The following MECOM variants were observed in gnomAD, a reference collection of about 807,000 sequenced individuals.
MECOM encodes histone-lysine N-methyltransferase MECOM.
In MECOM, 13 loss-of-function variants were observed where a neutral mutation model predicts 116.3. The ratio of observed to expected loss-of-function variants is 0.11; its 90% confidence interval spans 0.07 to 0.18. The LOEUF (loss-of-function observed/expected upper bound fraction) is 0.18. Among genes scored for constraint, MECOM ranks in the 10% least tolerant of loss-of-function variants. MECOM has a pLI of 1.00. For synonymous variants in MECOM, 528 were observed against 535.2 expected (o/e 0.99, Z 0.19); for missense variants, 1,299 against 1,509.0 (o/e 0.86, Z 2.31).
rs1383807090 is a variant in MECOM at position 169,611,855 on chromosome 3, A to T, written c.37+51481T>A. Among the ~76,000 whole-genome samples the T allele has an allele frequency of 6.6e-6, 1 of 152,166 alleles. No homozygotes were observed. Among genetic ancestry groups the T allele is most frequent in the Non-Finnish European group, 1.5e-5 (1 of 68,038 alleles). On this transcript the variant is annotated intron_variant, in intron 1 of 16. Transcript: ENST00000651503. This position sits in a 1 kb window ranked among gnomAD's most constrained non-coding sequence, Gnocchi z 4.1. ...AAGAACATCAATCTTGGTTGGGATA[A>T]ATTTAAGTAGCTGGAAATCATAATA...
rs1366792589 is a variant in MECOM, at chr3:169,088,986, G to T, written c.3585+14C>A. On this transcript the variant is annotated intron_variant, in intron 16 of 16. Coordinates refer to ENST00000651503, the MANE Select transcript of MECOM (RefSeq NM_004991.4). Reference sequence around the variant, plus strand: ...TAATGTAACCATGATGCTGTACTATGGGAAAATCTGTACCTGCGATTTGGA... The same window carrying T: ...TAATGTAACCATGATGCTGTACTATTGGAAAATCTGTACCTGCGATTTGGA... 1 of 1,562,760 alleles carries T rather than the reference G, an allele frequency of 6.4e-7. No homozygotes were observed. Among genetic ancestry groups the T allele is most frequent in the South Asian group, 1.2e-5 (1 of 81,616 alleles).
intron 1 of MECOM, among the ~76,000 whole-genome samples, chr3:169,478,926 T>C (rs1750875101): frequency 1.3e-5 from 2 of 152,234 alleles, no homozygotes. Context: ...AATCTTGTAA[T>C]GCTACAATGA....
At chr3:169,094,560 C>A (rs1165492503) in intron 13 of MECOM, among the ~76,000 whole-genome samples, 1 of 152,192 alleles carries the variant, frequency 6.6e-6, no homozygotes, top group Admixed American at 6.6e-5. Flanking sequence ...GCACTACTAT[C>A]ATTTGCTATG....
chr3:169,601,494 G>C (rs1291192572), intron 1 of MECOM, among the ~76,000 whole-genome samples: 2 of 152,150 alleles, frequency 1.3e-5, no homozygotes, highest in Non-Finnish European at 2.9e-5. Flanking sequence ...ATGTTGGATG[G>C]TACAGCACCA....
chr3:169,276,246 T>C (rs1418750312), intron 2 of MECOM, among the ~76,000 whole-genome samples: 2 of 152,120 alleles, frequency 1.3e-5, no homozygotes, highest in African/African-American at 4.8e-5. Flanking sequence ...TACGAGACTA[T>C]GTTTTTGTTT....
At chr3:169,486,788 ATTTTCTCAGATAAAGCC>A (rs1203696274) in intron 1 of MECOM, among the ~76,000 whole-genome samples, 1 of 152,078 alleles carries the variant, frequency 6.6e-6, no homozygotes, top group Non-Finnish European at 1.5e-5. Flanking sequence ...GCTCTACAAG[ATTTTCTCAGATAAAGCC>A]TTGTGAAAAT....
At position 169,147,265 on chromosome 3, in the gene MECOM, G is replaced by A. The variant is rs1577174608; in HGVS notation, c.376-3433C>T. 5.1e-6 allele frequency: 5 copies of A among 985,448 alleles called. No individual in the cohort carries two copies. In the African/African-American group the frequency reaches 5.2e-5, roughly 10 times the overall value. 61.0% of individuals were successfully genotyped at this position (985,448 alleles called of 1,614,324 possible). On this transcript the variant is annotated intron_variant, in intron 2 of 16. Transcript: ENST00000651503. ...GAAAAGGTGGGGGGCCTGGGGAGGC[G>A]AGGGGAGCTCTATCCCCCTTTCAGA...
chr3:169,514,981 T>C (rs2109046045), intron 1 of MECOM, among the ~76,000 whole-genome samples: 1 of 152,340 alleles, frequency 6.6e-6, no homozygotes. Context: ...GACACAGTAC[T>C]GGATAATTCT....
intron 1 of MECOM, among the ~76,000 whole-genome samples, chr3:169,541,754 C>A (rs1303536911): frequency 6.7e-6 from 1 of 148,884 alleles, no homozygotes; most frequent in African/African-American, 2.5e-5. Flanking sequence ...GGCCAGCACA[C>A]CTCTTATCAG....
chr3:169,167,108 G>A (rs943413608), intron 2 of MECOM, among the ~76,000 whole-genome samples: 12 of 152,122 alleles, frequency 7.9e-5, no homozygotes, highest in African/African-American at 2.7e-4. Flanking sequence ...CCAAGTAGCC[G>A]AAACCACAGG....
intron 1 of MECOM, among the ~76,000 whole-genome samples, chr3:169,607,906 T>C (rs956817025): frequency 3.3e-5 from 5 of 152,214 alleles, no homozygotes; most frequent in African/African-American, 9.6e-5. Flanking sequence ...TCAAGAGATA[T>C]ATTTTATAAT....
chr3:169,443,200 T>C (rs1178728913), intron 1 of MECOM, among the ~76,000 whole-genome samples: 1 of 152,214 alleles, frequency 6.6e-6, no homozygotes, highest in Non-Finnish European at 1.5e-5. Flanking sequence ...GAAATTCCAG[T>C]GGGGTCTCTT....
intron 1 of MECOM, among the ~76,000 whole-genome samples, chr3:169,472,511 AG>A (rs1560317658): frequency 0.015 from 1,396 of 93,698 alleles, 75 homozygotes; most frequent in South Asian, 0.039. Context: ...AGGAAAGGAA[AG>A]GAAAGGAAAG....
intron 1 of MECOM, among the ~76,000 whole-genome samples, chr3:169,484,770 C>G (rs548890030): frequency 2.5e-4 from 33 of 132,340 alleles, no homozygotes; most frequent in African/African-American, 8.2e-4. Flanking sequence ...GGAAGGCAGA[C>G]TCCTTAAGAG....
intron 1 of MECOM, among the ~76,000 whole-genome samples, chr3:169,540,027 A>G (rs988549297): frequency 6.6e-6 from 1 of 152,122 alleles, no homozygotes; most frequent in Non-Finnish European, 1.5e-5. Context: ...AAATGTCTGC[A>G]TGCCAGACTT....
chr3:169,169,398 G>T (rs1235584532), intron 2 of MECOM, among the ~76,000 whole-genome samples: 1 of 152,034 alleles, frequency 6.6e-6, no homozygotes, highest in Non-Finnish European at 1.5e-5. Context: ...TAATCAATAT[G>T]ATATGACAAT....
At chr3:169,463,648 G>A (rs1343167371) in intron 1 of MECOM, among the ~76,000 whole-genome samples, 1 of 152,156 alleles carries the variant, frequency 6.6e-6, no homozygotes, top group African/African-American at 2.4e-5. Context: ...GTAGCCATAT[G>A]AGAAATTCTG....
intron 2 of MECOM, among the ~76,000 whole-genome samples, chr3:169,248,897 G>C (rs887772857): frequency 2.0e-5 from 3 of 152,120 alleles, no homozygotes; most frequent in African/African-American, 7.2e-5. Flanking sequence ...CCCCGGAATT[G>C]TAAGGAAATG....
chr3:169,378,487 GAGAA>G (rs1208249727), intron 2 of MECOM, among the ~76,000 whole-genome samples: 417 of 29,916 alleles, frequency 0.014, 38 homozygotes, highest in African/African-American at 0.052. Context: ...GAAAGAGAGA[GAGAA>G]AGAAAGAAAG....
Sources: allele counts gnomAD v4.1 joint callset (sites outside exome capture counted in the v4.1 genomes callset), GRCh38; gene constraint gnomAD v4.1.1; non-coding constraint Gnocchi (gnomAD v3.1); transcripts MANE v1.5; gene names NCBI Gene and HGNC (gene_info 2026-07-23, HGNC 2026-07-21).